MACROD2: variants seen among roughly 807,000 people sequenced by gnomAD.
The protein encoded by MACROD2 is ADP-ribose glycohydrolase MACROD2.
MACROD2 carries 36 observed loss-of-function variants against 70.4 expected under a neutral mutation model. The observed-to-expected ratio is 0.51, with a 90% confidence interval of 0.39 to 0.68. MACROD2 has a LOEUF of 0.68. Ranked by LOEUF, MACROD2 falls within the 30% of genes least tolerant of loss-of-function variation. The pLI is 0.00. For missense variants in MACROD2, 496 were observed against 538.4 expected (o/e 0.92, Z 0.78); for synonymous variants, 172 against 178.8 (o/e 0.96, Z 0.30).
chr20:14,155,025 G>A (rs6042558), intron 3 of MACROD2, among the ~76,000 whole-genome samples: 149,351 of 152,310 alleles, frequency 0.98, 73,232 homozygotes, highest in East Asian at 1. Flanking sequence ...GCCTTGGGGA[G>A]GCCTCTTGGA....
At chr20:15,517,205 T>C (rs2047580366) in intron 8 of MACROD2, among the ~76,000 whole-genome samples, 1 of 152,068 alleles carries the variant, frequency 6.6e-6, no homozygotes, top group African/African-American at 2.4e-5. Context: ...CCCTCCAGCC[T>C]CCTTGGCCTC....
intron 10 of MACROD2, among the ~76,000 whole-genome samples, chr20:15,900,376 A>G (rs1245350586): frequency 6.6e-6 from 1 of 152,144 alleles, no homozygotes; most frequent in African/African-American, 2.4e-5. Context: ...AAATGCCTAT[A>G]CCACCATTTT....
chr20:14,067,123 G>GTTTTTTTTTTTTT (rs544348706), intron 2 of MACROD2, among the ~76,000 whole-genome samples: 1 of 85,048 alleles, frequency 1.2e-5, no homozygotes, highest in Non-Finnish European at 2.3e-5. Flanking sequence ...ATTTTTTAGT[G>GTTTTTTTTTTTTT]TTTTTTTTTT....
At chr20:14,744,215 T>C (rs1367014971) in intron 5 of MACROD2, among the ~76,000 whole-genome samples, 1 of 152,192 alleles carries the variant, frequency 6.6e-6, no homozygotes, top group Non-Finnish European at 1.5e-5. Flanking sequence ...GGTATATATA[T>C]GCAAGAGGCT....
chr20:14,786,255 T>C (rs1350258528), intron 5 of MACROD2, among the ~76,000 whole-genome samples: 2 of 142,270 alleles, frequency 1.4e-5, no homozygotes, highest in Non-Finnish European at 3.0e-5. Context: ...GGAAGAGGCC[T>C]GACATTTTCT....
intron 5 of MACROD2, among the ~76,000 whole-genome samples, chr20:14,692,990 AG>A (rs1168074146): frequency 6.6e-6 from 1 of 152,216 alleles, no homozygotes; most frequent in African/African-American, 2.4e-5. Context: ...GGCTGAGTGT[AG>A]AATTAAACAG....
At chr20:15,562,986 A>G (rs2035319601) in intron 8 of MACROD2, among the ~76,000 whole-genome samples, 1 of 152,212 alleles carries the variant, frequency 6.6e-6, no homozygotes. Context: ...ATACAAAGTT[A>G]TATAGGTCTA....
intron 8 of MACROD2, among the ~76,000 whole-genome samples, chr20:15,713,999 A>G (rs867564908): frequency 0.026 from 3,890 of 149,542 alleles, 144 homozygotes; most frequent in African/African-American, 0.081. Flanking sequence ...ACACACACAC[A>G]CACACACACA....
intron 4 of MACROD2, among the ~76,000 whole-genome samples, chr20:14,532,601 T>C (rs1425257728): frequency 6.6e-6 from 1 of 152,158 alleles, no homozygotes; most frequent in Non-Finnish European, 1.5e-5. Flanking sequence ...AGATCATTTA[T>C]AGTCATTCAA....
chr20:14,956,052 T>C (rs1195266972), intron 5 of MACROD2, among the ~76,000 whole-genome samples: 1 of 148,864 alleles, frequency 6.7e-6, no homozygotes, highest in Non-Finnish European at 1.5e-5. Context: ...CAGTAACTTA[T>C]GTGATGTTTT....
chr20:15,271,891 A>T (rs978337392), intron 6 of MACROD2, among the ~76,000 whole-genome samples: 4 of 152,200 alleles, frequency 2.6e-5, no homozygotes, highest in Non-Finnish European at 5.9e-5. Flanking sequence ...AGTTATGTGG[A>T]AATACTTCAT....
chr20:15,530,567 C>G (rs1013194670), intron 8 of MACROD2, among the ~76,000 whole-genome samples: 1 of 151,904 alleles, frequency 6.6e-6, no homozygotes, highest in Admixed American at 6.6e-5. Context: ...CCCGTCTCTA[C>G]TAAAAATACA....
At chr20:15,746,295 A>C (rs935872208) in intron 8 of MACROD2, among the ~76,000 whole-genome samples, 4 of 151,970 alleles carry the variant, frequency 2.6e-5, no homozygotes, top group Admixed American at 6.6e-5. Context: ...AATGTATTTT[A>C]ATCTAATTTT....
intron 8 of MACROD2, among the ~76,000 whole-genome samples, chr20:15,729,968 C>T (rs1176738759): frequency 6.6e-6 from 1 of 151,502 alleles, no homozygotes; most frequent in African/African-American, 2.4e-5. Flanking sequence ...AGCTGGATTA[C>T]AGGCACCTGC....
intron 5 of MACROD2, among the ~76,000 whole-genome samples, chr20:14,729,657 A>G (rs1282225443): frequency 6.6e-6 from 1 of 152,170 alleles, no homozygotes; most frequent in Non-Finnish European, 1.5e-5. Flanking sequence ...TCCCAAGCTA[A>G]ATATTTACTT....
chr20:14,832,095 T>A (rs1325674338), intron 5 of MACROD2, among the ~76,000 whole-genome samples: 1 of 128,078 alleles, frequency 7.8e-6, no homozygotes, highest in Non-Finnish European at 1.6e-5. Flanking sequence ...CAGGCTGGAG[T>A]GCAGTGGCAC....
intron 2 of MACROD2, among the ~76,000 whole-genome samples, chr20:14,069,674 G>C (rs2053813214): frequency 6.8e-6 from 1 of 146,064 alleles, no homozygotes; most frequent in Non-Finnish European, 1.5e-5. Flanking sequence ...AACAAATATT[G>C]GGATCTAGTA....
chr20:14,130,549 A>G (rs930552207), intron 3 of MACROD2, among the ~76,000 whole-genome samples: 12 of 152,196 alleles, frequency 7.9e-5, no homozygotes, highest in African/African-American at 2.9e-4. Context: ...GTCTCAAAAA[A>G]AAAGAAAGAA....
intron 3 of MACROD2, among the ~76,000 whole-genome samples, chr20:14,405,805 G>A (rs982327565): frequency 6.6e-6 from 1 of 152,042 alleles, no homozygotes; most frequent in African/African-American, 2.4e-5. Context: ...GGAGATCTAA[G>A]TATGAGCTCT....
Sources: gnomAD v4.1 joint callset for allele counts (sites outside exome capture counted in the v4.1 genomes callset) on GRCh38, gnomAD v4.1.1 for gene constraint, MANE v1.5 for transcripts, NCBI Gene and HGNC (gene_info 2026-07-23, HGNC 2026-07-21) for gene names.